Variants in RALGAPB observed in about 807,000 individuals in gnomAD.
RALGAPB encodes the protein ral GTPase-activating protein subunit beta.
RALGAPB carries 25 observed loss-of-function variants against 161.1 expected under a neutral mutation model. That is an observed-to-expected ratio of 0.16 (90% confidence interval 0.11 to 0.22). RALGAPB has a LOEUF of 0.22. Among genes scored for constraint, RALGAPB ranks in the 10% least tolerant of loss-of-function variants. The pLI is 1.00. For missense variants in RALGAPB, 1,391 were observed against 1,815.2 expected (o/e 0.77, Z 4.25); for synonymous variants, 629 against 626.1 (o/e 1.00, Z -0.07).
intron 2 of RALGAPB, among the ~76,000 whole-genome samples, chr20:38,491,314 A>G (rs2085272269): frequency 6.6e-6 from 1 of 151,866 alleles, no homozygotes; most frequent in Non-Finnish European, 1.5e-5. Context: ...TCTACAGATG[A>G]TCAGCATACA....
At chr20:38,493,217 A>G in intron 3 of RALGAPB, 85 bp downstream of exon 3, 1 of 1,107,508 alleles carries the variant, frequency 9.0e-7, no homozygotes, top group Non-Finnish European at 1.3e-6. Context: ...AGCTGATTTC[A>G]TTGTTAGTCC....
chr20:38,521,648 T>A lies in RALGAPB; in HGVS notation c.1569T>A (p.Ile523=). The change falls in exon 10 of 30, where the codon ATT becomes ATA. Residue 523 remains isoleucine (I), a synonymous_variant. Transcript: ENST00000262879. ...RAEACGTLCR[I]FCSKKTGEEI... ...AGGCTTGTGGGACACTGTGTAGGATTTTTTGTAGCAAGAAGACTGGAGAAG... is the reference window on the plus strand; with the variant it reads ...AGGCTTGTGGGACACTGTGTAGGATATTTTGTAGCAAGAAGACTGGAGAAG... 1 of 1,614,192 alleles carries A rather than the reference T, an allele frequency of 6.2e-7. No homozygotes were observed. Among genetic ancestry groups the A allele is most frequent in the East Asian group, 2.2e-5 (1 of 44,880 alleles).
chr20:38,573,508 C>G (rs2088318579), intron 28 of RALGAPB, among the ~76,000 whole-genome samples: 1 of 152,148 alleles, frequency 6.6e-6, no homozygotes. Flanking sequence ...GGAGCAGTTG[C>G]CAACTTTAGC....
Position 38,525,930 on chromosome 20 carries a change from CTCT to C in RALGAPB, c.1943_1945del (p.Ser648del), listed in dbSNP as rs1424124161. ...AAGGAAAGTTTAGTAACGATGACAG[CTCT>C]TCTTATGATAAACCAATAACTTTTC... On this transcript the variant is annotated inframe_deletion, in exon 13 of 30. Transcript: ENST00000262879. 1 of 1,613,656 alleles carries C rather than the reference CTCT, an allele frequency of 6.2e-7. No homozygotes were observed. The highest frequency in any genetic ancestry group is 8.5e-7 in the Non-Finnish European group (1 of 1,179,742).
intron 3 of RALGAPB, among the ~76,000 whole-genome samples, chr20:38,494,539 G>A (rs1489305505): frequency 6.9e-6 from 1 of 144,898 alleles, no homozygotes; most frequent in Non-Finnish European, 1.5e-5. Flanking sequence ...GCCGAGGCAG[G>A]AGAATCGCTT....
intron 29 of RALGAPB, 81 bp downstream of exon 29, chr20:38,574,379 G>A (rs1348913834): frequency 1.4e-6 from 2 of 1,430,470 alleles, no homozygotes; most frequent in Non-Finnish European, 1.9e-6. Context: ...GTAAAAATAA[G>A]GAAATGGTGA....
chr20:38,558,594 G>A (rs905188277), intron 23 of RALGAPB, 141 bp downstream of exon 23: 2 of 734,904 alleles, frequency 2.7e-6, no homozygotes, highest in Non-Finnish European at 4.0e-6. Flanking sequence ...GCTGGAAAGT[G>A]CTTCCAAGAA....
chr20:38,480,613 C>T (rs1042842493), intron 1 of RALGAPB, among the ~76,000 whole-genome samples: 12 of 151,896 alleles, frequency 7.9e-5, no homozygotes, highest in Non-Finnish European at 1.6e-4. Flanking sequence ...TCTTGAACTC[C>T]TGACCTCAGG....
chr20:38,539,537 A>C (rs1186982024), intron 16 of RALGAPB, among the ~76,000 whole-genome samples: 1 of 152,218 alleles, frequency 6.6e-6, no homozygotes, highest in Non-Finnish European at 1.5e-5. Context: ...TTTGGGTTTT[A>C]GGGCATGAAA....
intron 5 of RALGAPB, among the ~76,000 whole-genome samples, chr20:38,508,214 CAGAA>C (rs1437821740): frequency 1.3e-5 from 2 of 151,744 alleles, no homozygotes; most frequent in African/African-American, 2.4e-5. Flanking sequence ...ATAAATGTCA[CAGAA>C]AGACATTTAA....
Position 38,543,263 on chromosome 20 carries a change from C to T in RALGAPB, c.2714+2071C>T, listed in dbSNP as rs2087033861. On this transcript the variant is annotated intron_variant, in intron 18 of 29. Coordinates refer to ENST00000262879, the MANE Select transcript of RALGAPB (RefSeq NM_020336.4). ...TTATGTTAGTATCATTGCTGTTTGC[C>T]AGTTATGCAAACACAGAACTTTGGC... Among the ~76,000 whole-genome samples the T allele has an allele frequency of 2.6e-5, 4 of 152,324 alleles. No individual in the cohort carries two copies. In the South Asian group the frequency reaches 8.3e-4, roughly 32 times the overall value.
chr20:38,506,490 C>G (rs143179899), intron 5 of RALGAPB, among the ~76,000 whole-genome samples: 2 of 152,302 alleles, frequency 1.3e-5, no homozygotes, highest in East Asian at 3.9e-4. Context: ...GATGGGGTTC[C>G]TCCATGTTGT....
intron 24 of RALGAPB, among the ~76,000 whole-genome samples, chr20:38,563,712 G>A (rs1021627324): frequency 1.1e-4 from 16 of 152,240 alleles, no homozygotes; most frequent in Admixed American, 6.5e-5. Flanking sequence ...ATCAGAAAAC[G>A]TGACCCAAAC....
Position 38,472,907 on chromosome 20 carries a change from C to T in RALGAPB, c.-193C>T. On this transcript the variant is annotated 5_prime_UTR_variant, in exon 1 of 30. Coordinates refer to ENST00000262879, the MANE Select transcript of RALGAPB (RefSeq NM_020336.4). Reference sequence around the variant, plus strand: ...GAGTGGCCTTCGTCGTCCCTTGGCGCCCTGGGAGAGTCGCTGACGGGTGGA... The same window carrying T: ...GAGTGGCCTTCGTCGTCCCTTGGCGTCCTGGGAGAGTCGCTGACGGGTGGA... 5.0e-6 allele frequency: 2 copies of T among 398,958 alleles called. No homozygotes were observed. Among genetic ancestry groups the T allele is most frequent in the Non-Finnish European group, 8.9e-6 (2 of 225,988 alleles). The allele number at this position is 398,958 out of a possible 1,614,324, so 24.7% of individuals were successfully genotyped here.
rs77250589 is a variant in RALGAPB, at chr20:38,533,165, C to T, written c.2245+306C>T. ...TAGAGAACCAAATAAGATGTGGACTCTGCCTCAGAGCTCACAGTGTAGTGG... is the reference window on the plus strand; with the variant it reads ...TAGAGAACCAAATAAGATGTGGACTTTGCCTCAGAGCTCACAGTGTAGTGG... On this transcript the variant is annotated intron_variant, in intron 15 of 29. Coordinates refer to ENST00000262879, the MANE Select transcript of RALGAPB (RefSeq NM_020336.4). 9.4e-3 allele frequency among the ~76,000 whole-genome samples: 1,436 copies of T among 152,176 alleles called. 41 individuals are homozygous for T. Among genetic ancestry groups the T allele is most frequent in the East Asian group, 0.08 (412 of 5,172 alleles).
chr20:38,537,239 G>C (rs2086833583), intron 16 of RALGAPB, among the ~76,000 whole-genome samples: 1 of 152,132 alleles, frequency 6.6e-6, no homozygotes, highest in Non-Finnish European at 1.5e-5. Context: ...ATTCAAAGGA[G>C]AAAGGGTGGT....
chr20:38,564,279 T>G (rs899111521), intron 24 of RALGAPB, among the ~76,000 whole-genome samples: 17 of 152,194 alleles, frequency 1.1e-4, no homozygotes, highest in African/African-American at 4.1e-4. Context: ...AGATTATACA[T>G]TGTCTATGAC....
intron 18 of RALGAPB, 144 bp downstream of exon 18, chr20:38,541,336 G>A: frequency 3.3e-6 from 3 of 901,216 alleles, no homozygotes; most frequent in Non-Finnish European, 4.6e-6. Flanking sequence ...AATAAAATGG[G>A]AAGAAAATCT....
chr20:38,527,372 A>G (rs940329335), intron 13 of RALGAPB, among the ~76,000 whole-genome samples: 1 of 152,192 alleles, frequency 6.6e-6, no homozygotes, highest in African/African-American at 2.4e-5. Context: ...GCCAAGAACC[A>G]TATTTATCCA....
Sources: allele counts gnomAD v4.1 joint callset (sites outside exome capture counted in the v4.1 genomes callset), GRCh38; gene constraint gnomAD v4.1.1; transcripts MANE v1.5; gene names NCBI Gene and HGNC (gene_info 2026-07-23, HGNC 2026-07-21).